TNIK: variants seen among roughly 807,000 people sequenced by gnomAD.
TNIK encodes TRAF2 and NCK interacting kinase.
Under a neutral mutation model 191.3 loss-of-function variants are expected in TNIK, and 49 were observed. The observed-to-expected ratio is 0.26, with a 90% CI of 0.20 to 0.32. TNIK has a LOEUF of 0.32. Among genes scored for constraint, TNIK ranks in the 10% least tolerant of loss-of-function variants. The pLI, the probability that TNIK is intolerant of heterozygous loss-of-function variation, is 1.00. For synonymous variants in TNIK, 594 were observed against 600.9 expected (o/e 0.99, Z 0.17); for missense variants, 1,155 against 1,702.3 (o/e 0.68, Z 5.66).
chr3:171,332,447 A>G (rs1003823513), intron 2 of TNIK, among the ~76,000 whole-genome samples: 4 of 152,176 alleles, frequency 2.6e-5, no homozygotes, highest in Non-Finnish European at 5.9e-5. Flanking sequence ...CCTTTTCTTA[A>G]AGAGCATGCA....
intron 2 of TNIK, among the ~76,000 whole-genome samples, chr3:171,256,530 TGCTGGCC>T (rs1256451681): frequency 6.6e-6 from 1 of 152,072 alleles, no homozygotes; most frequent in African/African-American, 2.4e-5. Flanking sequence ...AAGGACAGAG[TGCTGGCC>T]ATGAAGAATC....
rs7627511 is a variant in TNIK, at chr3:171,460,248, G to C, written c.-185C>G. 152,716 of 720,908 alleles carry C rather than the reference G, an allele frequency of 0.21. 16,624 individuals are homozygous for C. The highest frequency in any genetic ancestry group is 0.26 in the Middle Eastern group (659 of 2,538). The allele number at this position is 720,908 out of a possible 1,614,324, so 44.7% of individuals were successfully genotyped here. Reference sequence around the variant, plus strand: ...CGATCCTCCGCGCGTCGGTCCGCCGGGTCCGGGAGCCCAGCCTGCGCGGAT... The same window carrying C: ...CGATCCTCCGCGCGTCGGTCCGCCGCGTCCGGGAGCCCAGCCTGCGCGGAT... On this transcript the variant is annotated 5_prime_UTR_variant, in exon 1 of 33. Coordinates refer to ENST00000436636, the MANE Select transcript of TNIK (RefSeq NM_015028.4). The surrounding 1 kb of genome is among the most constrained non-coding windows in gnomAD (Gnocchi z 6.8).
At chr3:171,127,378 A>G (rs111250061) in intron 16 of TNIK, among the ~76,000 whole-genome samples, 7,476 of 151,990 alleles carry the variant, frequency 0.049, 575 homozygotes, top group African/African-American at 0.17. Flanking sequence ...AACAAAGCCC[A>G]TTTAAAAAAA....
At chr3:171,128,469 G>A (rs982601988) in intron 16 of TNIK, among the ~76,000 whole-genome samples, 4 of 152,176 alleles carry the variant, frequency 2.6e-5, no homozygotes, top group African/African-American at 9.7e-5. Context: ...TGGGTCCCCA[G>A]AGAGGCCAAT....
chr3:171,147,656 G>A (rs1218647834), intron 12 of TNIK, among the ~76,000 whole-genome samples: 7 of 152,038 alleles, frequency 4.6e-5, no homozygotes, highest in South Asian at 2.1e-4. Flanking sequence ...GAACACTTAC[G>A]TAGTGCAGCC....
chr3:171,094,555 A>T (rs1275849786), intron 22 of TNIK, among the ~76,000 whole-genome samples: 1 of 152,164 alleles, frequency 6.6e-6, no homozygotes, highest in Non-Finnish European at 1.5e-5. Context: ...TTTACCTGGA[A>T]AAAACACTGA....
Position 171,365,678 on chromosome 3 carries a change from G to A in TNIK, c.123+3942C>T, listed in dbSNP as rs1448564052. 2.6e-5 allele frequency among the ~76,000 whole-genome samples: 4 copies of A among 152,150 alleles called. No individual in the cohort carries two copies. The East Asian group carries it at 7.7e-4, about 29-fold the overall frequency. ...CACATGACTGGAGGTCATGAAGGAT[G>A]GGCTGAACAGCCAGCTGGCAGAGAA... On this transcript the variant is annotated intron_variant, in intron 2 of 32. Coordinates refer to ENST00000436636, the MANE Select transcript of TNIK (RefSeq NM_015028.4).
chr3:171,450,079 G>A (rs1727992880), intron 1 of TNIK, among the ~76,000 whole-genome samples: 1 of 152,230 alleles, frequency 6.6e-6, no homozygotes, highest in South Asian at 2.1e-4. Flanking sequence ...AACTCAGCAG[G>A]CTTAGTCTGC....
At chr3:171,282,358 T>TTTTTTTTTTTTTTTTTTTTTTG (rs1750556855) in intron 2 of TNIK, among the ~76,000 whole-genome samples, 1 of 141,008 alleles carries the variant, frequency 7.1e-6, no homozygotes, top group Non-Finnish European at 1.5e-5. Flanking sequence ...TTTTTTTTTT[T>TTTTTTTTTTTTTTTTTTTTTTG]GAGATGGAGT....
At chr3:171,432,646 AG>A (rs1725517512) in intron 1 of TNIK, among the ~76,000 whole-genome samples, 1 of 152,204 alleles carries the variant, frequency 6.6e-6, no homozygotes, top group Admixed American at 6.5e-5. Flanking sequence ...TGGTAGCAAA[AG>A]TTTATGATAA....
chr3:171,096,753 A>G (rs908685220), intron 22 of TNIK, among the ~76,000 whole-genome samples: 1 of 152,140 alleles, frequency 6.6e-6, no homozygotes, highest in African/African-American at 2.4e-5. Flanking sequence ...ATCAGATCTC[A>G]TTAATGTTGG....
At chr3:171,275,449 A>G (rs545957856) in intron 2 of TNIK, among the ~76,000 whole-genome samples, 1 of 152,320 alleles carries the variant, frequency 6.6e-6, no homozygotes, top group Admixed American at 6.5e-5. Flanking sequence ...TATTATAACC[A>G]TAAAACAAGA....
At chr3:171,154,638 G>A (rs1732932051) in intron 12 of TNIK, among the ~76,000 whole-genome samples, 1 of 152,138 alleles carries the variant, frequency 6.6e-6, no homozygotes, top group African/African-American at 2.4e-5. Context: ...CATTATTCTT[G>A]GATCCTAACT....
chr3:171,416,927 T>A (rs1723163908), intron 1 of TNIK, among the ~76,000 whole-genome samples: 1 of 152,230 alleles, frequency 6.6e-6, no homozygotes, highest in Non-Finnish European at 1.5e-5. Context: ...ACCTGGTTAA[T>A]CTTTGCATTT....
At chr3:171,095,340 T>TA (rs1722574161) in intron 22 of TNIK, among the ~76,000 whole-genome samples, 2 of 152,186 alleles carry the variant, frequency 1.3e-5, no homozygotes, top group Admixed American at 1.3e-4. Flanking sequence ...TCAGGGGATT[T>TA]GAGAACCACA....
chr3:171,242,370 A>G (rs1462568384), intron 2 of TNIK, among the ~76,000 whole-genome samples: 2 of 152,144 alleles, frequency 1.3e-5, no homozygotes. Flanking sequence ...ATGGTCAAAG[A>G]CTCATAAGCA....
intron 4 of TNIK, among the ~76,000 whole-genome samples, chr3:171,200,750 G>T (rs1354962120): frequency 6.6e-6 from 1 of 152,144 alleles, no homozygotes; most frequent in African/African-American, 2.4e-5. Flanking sequence ...ACCTCTAAAA[G>T]AATTTTAAAA....
At chr3:171,113,317 C>G (rs1452377993) in intron 18 of TNIK, among the ~76,000 whole-genome samples, 1 of 151,982 alleles carries the variant, frequency 6.6e-6, no homozygotes, top group Non-Finnish European at 1.5e-5. Context: ...TTATAAAATG[C>G]TAATTCGGCC....
chr3:171,126,585 T>TCCA (rs1451886202), intron 16 of TNIK, among the ~76,000 whole-genome samples: 2 of 152,170 alleles, frequency 1.3e-5, no homozygotes, highest in Non-Finnish European at 2.9e-5. Context: ...ACTCACTGAG[T>TCCA]CCATCCTGAG....
Sources: allele counts gnomAD v4.1 joint callset (sites outside exome capture counted in the v4.1 genomes callset), GRCh38; gene constraint gnomAD v4.1.1; non-coding constraint Gnocchi (gnomAD v3.1); transcripts MANE v1.5; gene names NCBI Gene and HGNC (gene_info 2026-07-23, HGNC 2026-07-21).